Variants in UNC79 observed in about 807,000 individuals in gnomAD.
UNC79 encodes protein unc-79 homolog.
Under a neutral mutation model 283.1 loss-of-function variants are expected in UNC79, and 37 were observed. The observed-to-expected ratio is 0.13, with a 90% CI of 0.10 to 0.17. The LOEUF is 0.17. Ranked by LOEUF, UNC79 falls within the 10% of genes least tolerant of loss-of-function variation. UNC79 has a pLI of 1.00. For missense variants in UNC79, 2,272 were observed against 3,211.1 expected (o/e 0.71, Z 7.07); for synonymous variants, 1,107 against 1,200.2 (o/e 0.92, Z 1.61).
chr14:93,654,949 G>A (rs925984924), intron 37 of UNC79, among the ~76,000 whole-genome samples: 1 of 152,200 alleles, frequency 6.6e-6, no homozygotes, highest in African/African-American at 2.4e-5. Flanking sequence ...TTTACAGTGA[G>A]CATCATTCAT....
At chr14:93,635,945 A>G (rs2068475615) in intron 31 of UNC79, among the ~76,000 whole-genome samples, 1 of 152,216 alleles carries the variant, frequency 6.6e-6, no homozygotes. Flanking sequence ...GGAACTGAGA[A>G]TGGCAGCTTT....
chr14:93,644,452 G>C (rs2069377422), intron 34 of UNC79, among the ~76,000 whole-genome samples: 2 of 152,164 alleles, frequency 1.3e-5, no homozygotes, highest in Non-Finnish European at 2.9e-5. Flanking sequence ...AGGTGCTTTA[G>C]GCTGCAGGCG....
At chr14:93,333,667 G>T (rs1009561231) in intron 1 of UNC79, 1 of 379,682 alleles carries the variant, frequency 2.6e-6, no homozygotes, top group African/African-American at 2.1e-5. Flanking sequence ...AAAACACACA[G>T]TCGCCACGTG....
At chr14:93,636,867 G>A (rs1426978796) in intron 31 of UNC79, among the ~76,000 whole-genome samples, 5 of 152,012 alleles carry the variant, frequency 3.3e-5, no homozygotes, top group African/African-American at 1.2e-4. Flanking sequence ...TTACTGATTT[G>A]CATAAAACAT....
chr14:93,598,677 A>G (rs895953679), intron 24 of UNC79, among the ~76,000 whole-genome samples: 1 of 151,990 alleles, frequency 6.6e-6, no homozygotes, highest in Non-Finnish European at 1.5e-5. Context: ...TTACGCCGCC[A>G]CGCCTGGCTA....
rs2059695102 is a variant in UNC79 at position 93,509,207 on chromosome 14, C to T, written c.898+11921C>T. The stretch of plus-strand genomic sequence containing the variant: ...CAAGGGGGAAATCCACCCCCATGAT[C>T]CAATCACCCCTCACCAGGCCCCTCC... On this transcript the variant is annotated intron_variant, in intron 7 of 48. Transcript: ENST00000555664. Among the ~76,000 whole-genome samples the T allele has an allele frequency of 2.0e-5, 3 of 152,218 alleles. No individual in the cohort carries two copies. In the South Asian group the frequency reaches 6.2e-4, roughly 32 times the overall value.
chr14:93,707,600 G>A (rs529200187), downstream of UNC79: 1 of 152,242 alleles, frequency 6.6e-6, no homozygotes, highest in South Asian at 2.1e-4. Context: ...TTATTCTTTT[G>A]TTAATACTTG....
intron 42 of UNC79, among the ~76,000 whole-genome samples, chr14:93,684,934 ACTT>A (rs933706597): frequency 2.6e-4 from 40 of 152,318 alleles, no homozygotes; most frequent in African/African-American, 8.9e-4. Context: ...ATGGAGCTTG[ACTT>A]CTTCTGTTTT....
At chr14:93,537,859 G>A (rs777301815) in intron 11 of UNC79, 130 bp from the exon 12 acceptor site, 298 of 828,460 alleles carry the variant, frequency 3.6e-4, no homozygotes, top group Middle Eastern at 3.6e-4. Context: ...AATAACCTGC[G>A]CTTTGGAAAC....
At chr14:93,679,208 C>A (rs372313927) in intron 41 of UNC79, among the ~76,000 whole-genome samples, 1 of 152,178 alleles carries the variant, frequency 6.6e-6, no homozygotes, top group African/African-American at 2.4e-5. Flanking sequence ...CGCCTGTAAT[C>A]CCAACACTTT....
intron 14 of UNC79, among the ~76,000 whole-genome samples, chr14:93,544,265 T>G (rs1329776834): frequency 3.3e-5 from 5 of 152,202 alleles, no homozygotes; most frequent in Non-Finnish European, 7.3e-5. Context: ...ATAAATTACT[T>G]CCTGAATAGC....
At chr14:93,468,704 T>G (rs551178246) in intron 2 of UNC79, among the ~76,000 whole-genome samples, 2 of 152,338 alleles carry the variant, frequency 1.3e-5, no homozygotes, top group Non-Finnish European at 2.9e-5. Flanking sequence ...GGAAGCTTCA[T>G]GCGATCAAGT....
intron 1 of UNC79, among the ~76,000 whole-genome samples, chr14:93,437,076 T>C (rs2056110913): frequency 6.6e-6 from 1 of 152,188 alleles, no homozygotes; most frequent in Non-Finnish European, 1.5e-5. Flanking sequence ...TATGTATATA[T>C]ACATGCACAA....
At chr14:93,606,816 A>G (rs1414136989) in intron 26 of UNC79, among the ~76,000 whole-genome samples, 3 of 152,248 alleles carry the variant, frequency 2.0e-5, no homozygotes, top group African/African-American at 7.2e-5. Flanking sequence ...GTTTGCAGAG[A>G]GTCACATTTC....
rs192999644 is a variant in UNC79, at chr14:93,491,417, A to G, written c.712+3662A>G. Among the ~76,000 whole-genome samples the G allele has an allele frequency of 5.5e-3, 840 of 152,250 alleles. 5 individuals are homozygous for G. Among genetic ancestry groups the G allele is most frequent in the Non-Finnish European group, 9.0e-3 (615 of 68,016 alleles). ...TAATAAAACCATTTATTTGGAATCT[A>G]GTTAATTAGAGTCTCATCATGCCAG... On this transcript the variant is annotated intron_variant, in intron 5 of 48. Coordinates refer to ENST00000555664, the Ensembl canonical transcript of UNC79.
intron 20 of UNC79, among the ~76,000 whole-genome samples, chr14:93,586,392 A>C (rs991884865): frequency 2.6e-5 from 4 of 152,248 alleles, no homozygotes; most frequent in Admixed American, 2.6e-4. Context: ...ATGGAAACTG[A>C]GAATCCTCAA....
intron 14 of UNC79, among the ~76,000 whole-genome samples, chr14:93,550,609 A>C (rs2061844045): frequency 6.6e-6 from 1 of 152,128 alleles, no homozygotes; most frequent in African/African-American, 2.4e-5. Context: ...TAAGTAAGAA[A>C]AAAGGCTAAT....
chr14:93,654,060 C>T (rs778839768), intron 37 of UNC79, 35 bp downstream of exon 40: 108 of 1,597,346 alleles, frequency 6.8e-5, no homozygotes, highest in East Asian at 2.5e-4. Context: ...AAGCCCCAGC[C>T]GAAACTCTAA....
At chr14:93,614,530 G>T (rs534435145) in intron 27 of UNC79, among the ~76,000 whole-genome samples, 1 of 151,738 alleles carries the variant, frequency 6.6e-6, no homozygotes, top group South Asian at 2.1e-4. Flanking sequence ...TGTTGGTCAG[G>T]CTGGTCTTGA....
Sources: gnomAD v4.1 joint callset for allele counts (sites outside exome capture counted in the v4.1 genomes callset) on GRCh38, gnomAD v4.1.1 for gene constraint, MANE v1.5 for transcripts, NCBI Gene and HGNC (gene_info 2026-07-23, HGNC 2026-07-21) for gene names.